NAA35: variants seen among roughly 807,000 people sequenced by gnomAD.
NAA35 encodes MAK10 homolog, amino-acid N-acetyltransferase subunit.
In NAA35, 18 loss-of-function variants were observed where a neutral mutation model predicts 101.7. The ratio of observed to expected loss-of-function variants is 0.18; its 90% CI spans 0.12 to 0.26. The LOEUF (loss-of-function observed/expected upper bound fraction) is 0.26, where lower values mean the gene tolerates loss of function less well. NAA35 is among the 10% of genes least tolerant of loss of function. The pLI is 1.00. For missense variants in NAA35, 601 were observed against 886.8 expected (o/e 0.68, Z 4.09); for synonymous variants, 267 against 273.1 (o/e 0.98, Z 0.22).
At chr9:85,992,550 T>C (rs1830963915) in intron 11 of NAA35, among the ~76,000 whole-genome samples, 1 of 152,188 alleles carries the variant, frequency 6.6e-6, no homozygotes, top group Non-Finnish European at 1.5e-5. Context: ...GCAATGAGAA[T>C]ATAACATTAA....
intron 11 of NAA35, among the ~76,000 whole-genome samples, chr9:85,979,648 TAC>T (rs1022538704): frequency 1.3e-5 from 2 of 152,234 alleles, no homozygotes; most frequent in African/African-American, 4.8e-5. Flanking sequence ...CTTTGCTTTT[TAC>T]ACACAGTCTA....
chr9:86,013,885 A>G lies in NAA35; in HGVS notation c.1556A>G (p.Tyr519Cys). 1.2e-6 allele frequency: 2 copies of G among 1,601,602 alleles called. No homozygotes were observed. Among genetic ancestry groups the G allele is most frequent in the Non-Finnish European group, 1.7e-6 (2 of 1,171,766 alleles). ...GAACTCTACAGTATGCACGAGTACTATTACATATATTGGTAAGAGCACAGT... is the reference window on the plus strand; with the variant it reads ...GAACTCTACAGTATGCACGAGTACTGTTACATATATTGGTAAGAGCACAGT... ...ELELYSMHEY[Y>C]YIYWYLSEFL... The change falls in exon 17 of 23, where the codon TAT becomes TGT. Residue 519 changes from tyrosine to cysteine, a missense_variant. Around this residue, in one of 8 missense-constraint regions of NAA35, gnomAD observed 99 missense variants for 206.7 expected, o/e 0.48. Transcript: ENST00000361671.
chr9:85,956,212 T>C lies in NAA35; in HGVS notation c.125-148T>C. ...TACTCACTGTATAGAATGCATTATA[T>C]TAGTAATTGAGTAGAAATAAGTATT... On this transcript the variant is annotated intron_variant, in intron 2 of 22. Coordinates refer to ENST00000361671, the MANE Select transcript of NAA35 (RefSeq NM_024635.4). 4 of 489,324 alleles carry C rather than the reference T, an allele frequency of 8.2e-6. No homozygotes were observed. The South Asian group carries it at 1.0e-4, about 13-fold the overall frequency. 30.3% of individuals were successfully genotyped at this position (489,324 alleles called of 1,614,324 possible).
intron 6 of NAA35, among the ~76,000 whole-genome samples, chr9:85,971,074 A>G (rs1829978245): frequency 6.6e-6 from 1 of 152,240 alleles, no homozygotes; most frequent in Admixed American, 6.5e-5. Context: ...ATTGGCATGT[A>G]AACATGCTTT....
At chr9:85,991,969 T>A (rs1056480239) in intron 11 of NAA35, among the ~76,000 whole-genome samples, 17 of 151,838 alleles carry the variant, frequency 1.1e-4, no homozygotes, top group Non-Finnish European at 7.4e-5. Flanking sequence ...GGTCAGGAGA[T>A]CAAGACTATC....
rs527294681 is a variant in NAA35, at chr9:86,013,647, C to T, written c.1390-72C>T. On this transcript the variant is annotated intron_variant, in intron 16 of 22. Transcript: ENST00000361671. ...TCTGCTCATATTCTTTTTAGCTGTACGTTTTTTTAAAGTTCTGTCATTACC... is the reference window on the plus strand; with the variant it reads ...TCTGCTCATATTCTTTTTAGCTGTATGTTTTTTTAAAGTTCTGTCATTACC... The T allele has an allele frequency of 8.1e-5, 112 of 1,390,624 alleles. 1 individual carries two copies. The highest frequency in any genetic ancestry group is 7.0e-4 in the South Asian group (49 of 69,870). 86.1% of individuals were successfully genotyped at this position (1,390,624 alleles called of 1,614,324 possible).
chr9:85,997,916 TTTTG>T (rs1050121348), intron 12 of NAA35, among the ~76,000 whole-genome samples: 4 of 151,970 alleles, frequency 2.6e-5, no homozygotes, highest in African/African-American at 7.3e-5. Flanking sequence ...TATATATTTT[TTTTG>T]TTTGTTTGTT....
At chr9:85,941,927 T>C (rs1828536966) in intron 1 of NAA35, 3 of 1,233,690 alleles carry the variant, frequency 2.4e-6, no homozygotes, top group East Asian at 3.3e-5. Flanking sequence ...AAAATGTTTA[T>C]GGGCCCTGGT....
chr9:86,007,505 C>G (rs764983331), intron 14 of NAA35, 41 bp downstream of exon 14: 3 of 1,447,360 alleles, frequency 2.1e-6, no homozygotes, highest in Non-Finnish European at 2.9e-6. Flanking sequence ...TGTATGTGCT[C>G]CTTTAAAAGC....
chr9:85,946,667 AGATTTTTTTTTTTGC>A (rs1241399603), intron 2 of NAA35, among the ~76,000 whole-genome samples: 4 of 146,864 alleles, frequency 2.7e-5, no homozygotes, highest in Non-Finnish European at 5.9e-5. Context: ...AAACGTTATG[AGATTTTTTTTTTTGC>A]GATTTTTTTT....
intron 11 of NAA35, among the ~76,000 whole-genome samples, chr9:85,981,903 A>G (rs1314495735): frequency 6.6e-6 from 1 of 152,176 alleles, no homozygotes; most frequent in Non-Finnish European, 1.5e-5. Context: ...TGATTATATT[A>G]CAACTCCAGC....
At chr9:86,008,254 G>T (rs897280773) in intron 14 of NAA35, among the ~76,000 whole-genome samples, 2 of 152,162 alleles carry the variant, frequency 1.3e-5, no homozygotes, top group African/African-American at 4.8e-5. Flanking sequence ...GTAGAGATGG[G>T]CTTTCGCTAT....
intron 11 of NAA35, among the ~76,000 whole-genome samples, chr9:85,991,441 G>A (rs1309527075): frequency 6.6e-6 from 1 of 152,092 alleles, no homozygotes; most frequent in African/African-American, 2.4e-5. Flanking sequence ...CCAGGTATGG[G>A]GTGTCAGATC....
chr9:85,962,732 TC>T (rs1262299312), intron 6 of NAA35, among the ~76,000 whole-genome samples: 2 of 152,146 alleles, frequency 1.3e-5, no homozygotes, highest in African/African-American at 4.8e-5. Context: ...TCATTGAATA[TC>T]CGTATGTGCA....
intron 11 of NAA35, 51 bp downstream of exon 11, chr9:85,978,432 A>G: frequency 2.4e-6 from 3 of 1,265,400 alleles, no homozygotes; most frequent in South Asian, 2.4e-5. Context: ...TCTATCCAAA[A>G]TATTTAGTGC....
At position 85,979,000 on chromosome 9, in the gene NAA35, T is replaced by C. The variant is rs150022666; in HGVS notation, c.877+619T>C. 2.9e-3 allele frequency among the ~76,000 whole-genome samples: 438 copies of C among 152,314 alleles called. 5 individuals carry two copies. The South Asian group carries it at 0.034, about 12-fold the overall frequency. On this transcript the variant is annotated intron_variant, in intron 11 of 22. Coordinates refer to ENST00000361671, the MANE Select transcript of NAA35 (RefSeq NM_024635.4). ...ATTTTTACAAAGGCCATTTCAATAA[T>C]AATGAATCACCTTTTTAATCACCTC...
intron 13 of NAA35, among the ~76,000 whole-genome samples, chr9:86,006,233 A>T (rs892424945): frequency 6.6e-6 from 1 of 152,164 alleles, no homozygotes; most frequent in Non-Finnish European, 1.5e-5. Context: ...TAGGAATGTA[A>T]TGTGGTTCAG....
At position 85,952,599 on chromosome 9, in the gene NAA35, T is replaced by C. The variant is rs1173338039; in HGVS notation, c.125-3761T>C. Among the ~76,000 whole-genome samples, 3 of 152,264 alleles carry C rather than the reference T, an allele frequency of 2.0e-5. No individual in the cohort carries two copies. The South Asian group carries it at 6.2e-4, about 32-fold the overall frequency. ...TGTGCCTGGCTGTGCAAGTGTTTTTTTTCCCAAGACAACTATTTTCTTTGA... is the reference window on the plus strand; with the variant it reads ...TGTGCCTGGCTGTGCAAGTGTTTTTCTTCCCAAGACAACTATTTTCTTTGA... On this transcript the variant is annotated intron_variant, in intron 2 of 22. Transcript: ENST00000361671.
rs1832697726 is a variant in NAA35 at position 86,024,526 on chromosome 9, G to A, written c.*2566G>A. The stretch of plus-strand genomic sequence containing the variant: ...AAAGGGAGGCAGGGAAGCCAGTCAC[G>A]TGAGAGAAAATGTTGGTCTTAACAA... On this transcript the variant is annotated 3_prime_UTR_variant, in exon 23 of 23. Transcript: ENST00000361671. Among the ~76,000 whole-genome samples the A allele has an allele frequency of 6.6e-6, 1 of 152,176 alleles. No homozygotes were observed. The highest frequency in any genetic ancestry group is 1.5e-5 in the Non-Finnish European group (1 of 68,038).
Sources: allele counts gnomAD v4.1 joint callset (sites outside exome capture counted in the v4.1 genomes callset), GRCh38; gene constraint gnomAD v4.1.1; regional missense constraint gnomAD v4.1.1; transcripts MANE v1.5; gene names NCBI Gene and HGNC (gene_info 2026-07-23, HGNC 2026-07-21).